Variants in LPP observed in about 807,000 individuals in gnomAD.
LPP encodes the protein lipoma-preferred partner.
A neutral mutation model predicts 60.4 loss-of-function variants in LPP; 38 were observed. The ratio of observed to expected loss-of-function variants is 0.63; its 90% CI spans 0.49 to 0.83. The LOEUF (loss-of-function observed/expected upper bound fraction) is 0.83, where lower values mean the gene tolerates loss of function less well. LPP is among the 40% of genes least tolerant of loss of function. The probability of loss-of-function intolerance (pLI) is 0.00; values close to 1 mark genes in which losing one functional copy is unlikely to be tolerated. For missense variants in LPP, 902 were observed against 783.6 expected (o/e 1.15, Z -1.80); for synonymous variants, 328 against 290.8 (o/e 1.13, Z -1.30).
At chr3:188,394,003 T>G (rs75997938) in intron 3 of LPP, among the ~76,000 whole-genome samples, 1,552 of 152,296 alleles carry the variant, frequency 0.01, 28 homozygotes, top group African/African-American at 0.035. Flanking sequence ...TTATTAATTT[T>G]TCTATTTATA....
At chr3:188,307,345 C>T (rs1751861153) in intron 2 of LPP, among the ~76,000 whole-genome samples, 1 of 152,106 alleles carries the variant, frequency 6.6e-6, no homozygotes, top group African/African-American at 2.4e-5. Context: ...CAGTGTTGTC[C>T]AAAGTCCACC....
intron 2 of LPP, among the ~76,000 whole-genome samples, chr3:188,245,575 A>G (rs1726629074): frequency 6.6e-6 from 1 of 152,048 alleles, no homozygotes; most frequent in South Asian, 2.1e-4. Flanking sequence ...ACCTTATATG[A>G]TAATGTCACC....
intron 1 of LPP, among the ~76,000 whole-genome samples, chr3:188,219,268 G>A (rs1292298561): frequency 1.3e-5 from 2 of 152,146 alleles, no homozygotes; most frequent in African/African-American, 4.8e-5. Context: ...AATAAGTGTA[G>A]AATCCAAGGG....
At chr3:188,717,562 T>A (rs1247790787) in intron 8 of LPP, among the ~76,000 whole-genome samples, 4 of 152,108 alleles carry the variant, frequency 2.6e-5, no homozygotes, top group African/African-American at 9.7e-5. Context: ...AAGGTTGTAT[T>A]GATTTGGGGG....
Position 188,875,367 on chromosome 3 carries a change from C to T in LPP, c.*888C>T, listed in dbSNP as rs1195664302. 5 of 218,022 alleles carry T rather than the reference C, an allele frequency of 2.3e-5. No individual in the cohort carries two copies. Among genetic ancestry groups the T allele is most frequent in the Non-Finnish European group, 3.7e-5 (4 of 108,462 alleles). 13.5% of individuals were successfully genotyped at this position (218,022 alleles called of 1,614,324 possible). A position where few individuals can be genotyped will look rare whatever the true frequency, so the allele number is the denominator to read the frequency against. On this transcript the variant is annotated 3_prime_UTR_variant, in exon 12 of 12. Transcript: ENST00000617246. ...ACATTTTCAATACTGTCCCACTTCT[C>T]ATCTTAAAAATATTGTCATGTTTAT...
chr3:188,176,581 C>A (rs1723098868), intron 1 of LPP, among the ~76,000 whole-genome samples: 1 of 151,812 alleles, frequency 6.6e-6, no homozygotes, highest in African/African-American at 2.4e-5. Flanking sequence ...TTCCATTAGG[C>A]TCTCTTCAGC....
At chr3:188,787,224 A>T (rs1742214736) in intron 9 of LPP, among the ~76,000 whole-genome samples, 1 of 152,160 alleles carries the variant, frequency 6.6e-6, no homozygotes, top group Non-Finnish European at 1.5e-5. Context: ...GGGAAACTGG[A>T]TAAAGGGTAC....
intron 9 of LPP, among the ~76,000 whole-genome samples, chr3:188,862,854 G>A (rs923250041): frequency 6.6e-6 from 1 of 151,792 alleles, no homozygotes; most frequent in Non-Finnish European, 1.5e-5. Flanking sequence ...TCACTTATTT[G>A]CTTAAAGACT....
intron 7 of LPP, among the ~76,000 whole-genome samples, chr3:188,634,947 A>T (rs1848457494): frequency 6.6e-6 from 1 of 152,160 alleles, no homozygotes; most frequent in Admixed American, 6.5e-5. Context: ...GATGCCAAAA[A>T]GGTTGGGGAC....
At chr3:188,540,835 C>T (rs1824963571) in intron 6 of LPP, among the ~76,000 whole-genome samples, 1 of 152,228 alleles carries the variant, frequency 6.6e-6, no homozygotes, top group African/African-American at 2.4e-5. Flanking sequence ...CCATCCAACT[C>T]TCTGAAATAG....
At chr3:188,713,496 G>A (rs1193728374) in intron 8 of LPP, among the ~76,000 whole-genome samples, 4 of 152,208 alleles carry the variant, frequency 2.6e-5, no homozygotes, top group East Asian at 1.9e-4. Context: ...TATTAATGGT[G>A]TTGTGATTAT....
rs1426753039 is a variant in LPP at position 188,760,229 on chromosome 3, G to A, written c.1357G>A (p.Gly453Arg). Residue 453 changes from glycine to arginine, a missense_variant, in exon 9 of 12, where the codon GGG (glycine) becomes AGG (arginine). Physicochemically the swap from Gly to Arg is moderately radical, Grantham distance 125. Coordinates refer to ENST00000617246, the MANE Select transcript of LPP (RefSeq NM_001375462.1). Reference sequence around the variant, plus strand: ...CATCATCTGCAACAACAAGCTCCGAGGGCAGCCATTCTATGCTGTGGAAAA... The same window carrying A: ...CATCATCTGCAACAACAAGCTCCGAAGGCAGCCATTCTATGCTGTGGAAAA... ...TCIICNNKLR[G>R]QPFYAVEKKA... 11 of 1,614,004 alleles carry A rather than the reference G, an allele frequency of 6.8e-6. No individual in the cohort carries two copies. Among genetic ancestry groups the A allele is most frequent in the Non-Finnish European group, 8.5e-6 (10 of 1,180,028 alleles).
chr3:188,333,506 G>C (rs1221784238), intron 2 of LPP, among the ~76,000 whole-genome samples: 1 of 152,188 alleles, frequency 6.6e-6, no homozygotes, highest in African/African-American at 2.4e-5. Context: ...AATGCATACA[G>C]ATGGTAACAA....
At chr3:188,759,268 A>T (rs1279453936) in intron 8 of LPP, 1 of 152,260 alleles carries the variant, frequency 6.6e-6, no homozygotes, top group African/African-American at 2.4e-5. Flanking sequence ...TGTAGGCCAG[A>T]TGCCACATTA....
intron 3 of LPP, among the ~76,000 whole-genome samples, chr3:188,384,403 G>A (rs969084598): frequency 4.0e-5 from 6 of 151,676 alleles, no homozygotes; most frequent in Admixed American, 3.9e-4. Context: ...GGCTTATAAT[G>A]GGGACAGAAT....
At chr3:188,325,634 T>C (rs79947914) in intron 2 of LPP, among the ~76,000 whole-genome samples, 1 of 152,362 alleles carries the variant, frequency 6.6e-6, no homozygotes, top group Non-Finnish European at 1.5e-5. Flanking sequence ...TTAGTAATAA[T>C]AATAATGGTG....
At chr3:188,314,170 CCTT>C (rs1333170357) in intron 2 of LPP, among the ~76,000 whole-genome samples, 2 of 152,018 alleles carry the variant, frequency 1.3e-5, no homozygotes, top group African/African-American at 4.8e-5. Flanking sequence ...GAGTAAATGT[CCTT>C]CTTTTGTGTC....
intron 2 of LPP, among the ~76,000 whole-genome samples, chr3:188,248,495 T>TATATATATATATATATATATACAC: frequency 7.2e-6 from 1 of 138,614 alleles, no homozygotes; most frequent in Admixed American, 7.1e-5. Flanking sequence ...TATATATATA[T>TATATATATATATATATATATACAC]ATACAGTCAG....
chr3:188,362,756 C>T lies in LPP; in HGVS notation c.-10+21037C>T, dbSNP rs368250536. Among the ~76,000 whole-genome samples the T allele has an allele frequency of 8.3e-4, 126 of 152,242 alleles. 1 individual carries two copies. The South Asian group carries it at 0.021, about 25-fold the overall frequency. On this transcript the variant is annotated intron_variant, in intron 3 of 11. Transcript: ENST00000617246. ...AAGGTCACTGCGGAAGAAAATAAAT[C>T]GCTAAAATCTGTTAGAATACGTCAG...
Sources: gnomAD v4.1 joint callset for allele counts (sites outside exome capture counted in the v4.1 genomes callset) on GRCh38, gnomAD v4.1.1 for gene constraint, MANE v1.5 for transcripts, NCBI Gene and HGNC (gene_info 2026-07-23, HGNC 2026-07-21) for gene names.